Variants in PTPRS observed in about 807,000 individuals in gnomAD.
PTPRS encodes protein tyrosine phosphatase receptor type S, also known as receptor-type tyrosine-protein phosphatase S.
In PTPRS, 63 loss-of-function variants were observed where a neutral mutation model predicts 215.3. The observed-to-expected ratio is 0.29, with a 90% CI of 0.24 to 0.36. The LOEUF (loss-of-function observed/expected upper bound fraction) is 0.36. Among genes scored for constraint, PTPRS ranks in the 10% least tolerant of loss-of-function variants. The pLI is 1.00. For synonymous variants in PTPRS, 1,404 were observed against 1,191.4 expected (o/e 1.18, Z -3.68); for missense variants, 2,258 against 2,825.8 (o/e 0.80, Z 4.56).
intron 11 of PTPRS, 75 bp downstream of exon 11, chr19:5,243,826 T>G (rs1160944122): frequency 7.7e-7 from 1 of 1,292,318 alleles, no homozygotes; most frequent in African/African-American, 1.5e-5. Flanking sequence ...CAAACCGCTC[T>G]GCGGCTTCCA....
At chr19:5,259,874 T>A (rs770280250) in intron 7 of PTPRS, among the ~76,000 whole-genome samples, 17 of 152,184 alleles carry the variant, frequency 1.1e-4, no homozygotes, top group Non-Finnish European at 2.5e-4. Flanking sequence ...CACTGCCTAT[T>A]CTCCCTGGAC....
chr19:5,271,272 G>A (rs747750037), intron 4 of PTPRS, among the ~76,000 whole-genome samples: 1 of 152,184 alleles, frequency 6.6e-6, no homozygotes, highest in African/African-American at 2.4e-5. Context: ...TAACAGTGAT[G>A]AACACAGTAA....
rs763472555 is a variant in PTPRS, at chr19:5,286,183, C to G, written c.-43G>C. 5 of 1,603,266 alleles carry G rather than the reference C, an allele frequency of 3.1e-6. No individual in the cohort carries two copies. The highest frequency in any genetic ancestry group is 3.4e-6 in the Non-Finnish European group (4 of 1,174,876). ...GATCTCCGCCCTGGAGGGGGATGGC[C>G]CCCCGGTCCCTCACAGAGAGGCCTC... On this transcript the variant is annotated 5_prime_UTR_variant, in exon 2 of 38. Transcript: ENST00000262963.
chr19:5,230,958 G>A, intron 14 of PTPRS, among the ~76,000 whole-genome samples: 1 of 152,156 alleles, frequency 6.6e-6, no homozygotes, highest in East Asian at 1.9e-4. Flanking sequence ...ATCCACCCGG[G>A]GAGCTGGTTA....
At chr19:5,281,334 G>T (rs1467898078) in intron 2 of PTPRS, among the ~76,000 whole-genome samples, 1 of 152,112 alleles carries the variant, frequency 6.6e-6, no homozygotes, top group Admixed American at 6.5e-5. Context: ...GGTGGCGCAT[G>T]CCTGTAATCC....
chr19:5,228,345 G>GAAAAA lies in PTPRS; in HGVS notation c.2376+970_2376+971insTTTTT, dbSNP rs1491502602. Among the ~76,000 whole-genome samples the GAAAAA allele has an allele frequency of 2.1e-4, 7 of 33,244 alleles. 1 individual carries two copies. The highest frequency in any genetic ancestry group is 5.7e-4 in the Admixed American group (2 of 3,490). The allele number at this position is 33,244 out of a possible 152,430, so 21.8% of individuals were successfully genotyped here. On this transcript the variant is annotated intron_variant, in intron 16 of 37. Transcript: ENST00000262963. ...GGGCGATAGTGTGAGACTCCGTCTG[G>GAAAAA]AGAAAAAAAAAAAAAAAAGAGACAG...
At chr19:5,262,200 G>A (rs1156567558) in intron 6 of PTPRS, among the ~76,000 whole-genome samples, 2 of 152,122 alleles carry the variant, frequency 1.3e-5, no homozygotes, top group Non-Finnish European at 2.9e-5. Context: ...GCTTGAATCG[G>A]GGACGTGGAG....
chr19:5,207,308 C>T (rs2040451211), intron 37 of PTPRS, among the ~76,000 whole-genome samples: 1 of 152,242 alleles, frequency 6.6e-6, no homozygotes, highest in African/African-American at 2.4e-5. Flanking sequence ...TGGTCTCAAA[C>T]TCCTGACCTC....
At position 5,214,560 on chromosome 19, in the gene PTPRS, C is replaced by T; in HGVS notation, c.4494+1G>A. On this transcript the variant is annotated splice_donor_variant, in intron 29 of 37. Transcript: ENST00000262963. LOFTEE classifies it high-confidence loss of function. Reference sequence around the variant, plus strand: ...TGAGGGCCGTGGGGTCCAAGGCTCACCCGTGACTTCTCCTCCAGCCGCGTC... The same window carrying T: ...TGAGGGCCGTGGGGTCCAAGGCTCATCCGTGACTTCTCCTCCAGCCGCGTC... 6.2e-7 allele frequency: 1 copy of T among 1,611,458 alleles called. No individual in the cohort carries two copies. The highest frequency in any genetic ancestry group is 8.5e-7 in the Non-Finnish European group (1 of 1,178,354).
chr19:5,297,618 A>G (rs2049174939), intron 1 of PTPRS, among the ~76,000 whole-genome samples: 1 of 152,032 alleles, frequency 6.6e-6, no homozygotes, highest in Non-Finnish European at 1.5e-5. Context: ...GGCTGCAAAA[A>G]CTGGGGGGTC....
At position 5,286,035 on chromosome 19, in the gene PTPRS, G is replaced by T; in HGVS notation, c.91+15C>A. On this transcript the variant is annotated intron_variant, in intron 2 of 37. Transcript: ENST00000262963. ...AAACACGCAGACCCCTGCACATCCC[G>T]TGCCGGCTTCTTACCTTCTGCTGCA... is the stretch of plus-strand genomic sequence containing the variant. 3 of 1,609,618 alleles carry T rather than the reference G, an allele frequency of 1.9e-6. No individual in the cohort carries two copies. In the African/African-American group the frequency reaches 4.0e-5, roughly 21 times the overall value.
chr19:5,319,505 G>T (rs2049969617), intron 1 of PTPRS, among the ~76,000 whole-genome samples: 1 of 150,894 alleles, frequency 6.6e-6, no homozygotes, highest in Admixed American at 6.6e-5. Flanking sequence ...TCCATCCCTG[G>T]CATCAACCAT....
Position 5,218,477 on chromosome 19 carries a change from C to T in PTPRS, c.3991G>A (p.Ala1331Thr), listed in dbSNP as rs1361339357. Residue 1331 changes from alanine to threonine, a missense_variant, in exon 25 of 38, where the codon GCC (alanine) becomes ACC (threonine). Around this residue, in one of 6 missense-constraint regions of PTPRS, gnomAD observed 927 missense variants for 1,125.9 expected, o/e 0.82. Coordinates refer to ENST00000262963, the MANE Select transcript of PTPRS (RefSeq NM_002850.4). ...ACAGGGTCCTTGGGGTGGTGAGGGG[C>T]GAGGTCGGCATTGTTCAGGAGGCAT... ...TKCLLNNADL[A>T]PHHPKDPVEM... 5.6e-6 allele frequency: 9 copies of T among 1,613,908 alleles called. No homozygotes were observed. The highest frequency in any genetic ancestry group is 5.5e-5 in the South Asian group (5 of 91,078).
intron 6 of PTPRS, among the ~76,000 whole-genome samples, chr19:5,262,494 G>A (rs2046079609): frequency 6.6e-6 from 1 of 152,200 alleles, no homozygotes; most frequent in Admixed American, 6.5e-5. Context: ...AAGTGGATGA[G>A]AAGTGCCCAG....
Position 5,275,997 on chromosome 19 carries a change from T to C in PTPRS, c.92-1653A>G, listed in dbSNP as rs545187933. On this transcript the variant is annotated intron_variant, in intron 2 of 37. Transcript: ENST00000262963. ...TCCCAAGCTGCTGGATTTATAGGCG[T>C]CAACCACCATACCCAGCTCTGCCAT... 2.0e-5 allele frequency among the ~76,000 whole-genome samples: 3 copies of C among 152,196 alleles called. No individual in the cohort carries two copies. In the South Asian group the frequency reaches 6.2e-4, roughly 32 times the overall value.
At position 5,257,758 on chromosome 19, in the gene PTPRS, G is replaced by A. The variant is rs2045678167; in HGVS notation, c.706+259C>T. ...CACGCCTTCCTACCCCACCATCACT[G>A]CCTCCCCAGAGCCTGCTGCCCACGG... On this transcript the variant is annotated intron_variant, in intron 8 of 37. Coordinates refer to ENST00000262963, the MANE Select transcript of PTPRS (RefSeq NM_002850.4). This position sits in a 1 kb window ranked among gnomAD's most constrained non-coding sequence, Gnocchi z 4.4. Among the ~76,000 whole-genome samples, 1 of 152,182 alleles carries A rather than the reference G, an allele frequency of 6.6e-6. No individual in the cohort carries two copies. The highest frequency in any genetic ancestry group is 2.4e-5 in the African/African-American group (1 of 41,442).
At chr19:5,317,332 C>T (rs953799290) in intron 1 of PTPRS, among the ~76,000 whole-genome samples, 8 of 152,102 alleles carry the variant, frequency 5.3e-5, no homozygotes, top group South Asian at 2.1e-4. Flanking sequence ...ATTAGCCAGG[C>T]GTGGTGGCAC....
intron 4 of PTPRS, among the ~76,000 whole-genome samples, chr19:5,269,092 T>C (rs796371517): frequency 1.1e-4 from 17 of 151,162 alleles, no homozygotes; most frequent in African/African-American, 4.2e-4. Flanking sequence ...GGCATCCCCC[T>C]GTGTGTCTAT....
chr19:5,221,502 C>T (rs1394116584), intron 19 of PTPRS, among the ~76,000 whole-genome samples: 1 of 151,914 alleles, frequency 6.6e-6, no homozygotes, highest in African/African-American at 2.4e-5. Flanking sequence ...AGGTAGAAGC[C>T]CACTTTGACT....
Sources: gnomAD v4.1 joint callset for allele counts (sites outside exome capture counted in the v4.1 genomes callset) on GRCh38, gnomAD v4.1.1 for gene constraint, gnomAD v4.1.1 regional missense constraint, Gnocchi (gnomAD v3.1) non-coding constraint, MANE v1.5 for transcripts, NCBI Gene and HGNC (gene_info 2026-07-23, HGNC 2026-07-21) for gene names.